ARHGAP15: variants seen among roughly 807,000 people sequenced by gnomAD.
ARHGAP15 encodes Rho GTPase activating protein 15.
ARHGAP15 carries 51 observed loss-of-function variants against 63.7 expected under a neutral mutation model. The ratio of observed to expected loss-of-function variants is 0.80; its 90% CI spans 0.64 to 1.01. The LOEUF is 1.01. Among genes scored for constraint, ARHGAP15 ranks in the 50% least tolerant of loss-of-function variants. The pLI, the probability that ARHGAP15 is intolerant of heterozygous loss-of-function variation, is 0.00. For synonymous variants in ARHGAP15, 191 were observed against 193.8 expected (o/e 0.99, Z 0.12); for missense variants, 560 against 564.6 (o/e 0.99, Z 0.08).
At chr2:143,358,222 C>T (rs1294055786) in intron 6 of ARHGAP15, among the ~76,000 whole-genome samples, 1 of 152,214 alleles carries the variant, frequency 6.6e-6, no homozygotes, top group Non-Finnish European at 1.5e-5. Flanking sequence ...TAATCCCTCA[C>T]TGGACACGGA....
Position 143,553,790 on chromosome 2 carries a change from AAAG to A in ARHGAP15, c.926-2614_926-2612del, listed in dbSNP as rs565201793. On this transcript the variant is annotated intron_variant, in intron 10 of 13. Coordinates refer to ENST00000295095, the MANE Select transcript of ARHGAP15 (RefSeq NM_018460.4). ...TTATATTGTAACACTCTAAGAGAAA[AAAG>A]AAGTTTTGGATACAGGGAATTTCAT... is the stretch of plus-strand genomic sequence containing the variant. Among the ~76,000 whole-genome samples the A allele has an allele frequency of 1.6e-3, 237 of 152,352 alleles. 1 individual carries two copies. Among genetic ancestry groups the A allele is most frequent in the African/African-American group, 5.5e-3 (230 of 41,598 alleles).
intron 11 of ARHGAP15, among the ~76,000 whole-genome samples, chr2:143,601,780 A>G (rs1334172664): frequency 6.6e-6 from 1 of 152,110 alleles, no homozygotes; most frequent in Non-Finnish European, 1.5e-5. Flanking sequence ...CCTTTTTATT[A>G]TGGCCACTCA....
chr2:143,319,854 C>G (rs574297171), intron 6 of ARHGAP15, among the ~76,000 whole-genome samples: 4 of 152,202 alleles, frequency 2.6e-5, no homozygotes, highest in Admixed American at 2.0e-4. Flanking sequence ...TGGAGCATTT[C>G]AAAGAAGAGG....
At chr2:143,408,632 T>C (rs1688315683) in intron 6 of ARHGAP15, among the ~76,000 whole-genome samples, 1 of 151,958 alleles carries the variant, frequency 6.6e-6, no homozygotes, top group Admixed American at 6.6e-5. Context: ...ACATTACTTA[T>C]ACTCTTGAAA....
At chr2:143,284,023 C>A (rs1228674048) in intron 6 of ARHGAP15, among the ~76,000 whole-genome samples, 1 of 152,114 alleles carries the variant, frequency 6.6e-6, no homozygotes, top group East Asian at 1.9e-4. Context: ...TGATTTGCCC[C>A]CTTTTCAAAA....
intron 3 of ARHGAP15, among the ~76,000 whole-genome samples, chr2:143,215,705 T>C (rs1574102649): frequency 6.6e-6 from 1 of 152,194 alleles, no homozygotes; most frequent in Non-Finnish European, 1.5e-5. Context: ...CAATTTGCAT[T>C]GTGCATTTAT....
chr2:143,555,579 A>T (rs1211174088), intron 10 of ARHGAP15, among the ~76,000 whole-genome samples: 1 of 152,144 alleles, frequency 6.6e-6, no homozygotes, highest in Admixed American at 6.6e-5. Flanking sequence ...AATTAACTAG[A>T]TTCTATAAAT....
chr2:143,171,877 A>T (rs542303411), intron 2 of ARHGAP15: 33 of 152,252 alleles, frequency 2.2e-4, no homozygotes, highest in African/African-American at 7.0e-4. Flanking sequence ...ATGTTTGTAT[A>T]ACAATAATTC....
intron 11 of ARHGAP15, chr2:143,608,897 A>G (rs1345391184): frequency 6.6e-6 from 1 of 152,220 alleles, no homozygotes; most frequent in East Asian, 1.9e-4. Context: ...TAACTTGGGA[A>G]GCATTGCTTG....
At chr2:143,548,526 A>G (rs1232859993) in intron 10 of ARHGAP15, among the ~76,000 whole-genome samples, 2 of 152,018 alleles carry the variant, frequency 1.3e-5, no homozygotes, top group Non-Finnish European at 2.9e-5. Flanking sequence ...AAAAAAAAAA[A>G]TCCTTCTCTT....
chr2:143,327,432 T>TA (rs1262185729), intron 6 of ARHGAP15, among the ~76,000 whole-genome samples: 1 of 152,202 alleles, frequency 6.6e-6, no homozygotes, highest in Non-Finnish European at 1.5e-5. Context: ...AGAGCCTGTA[T>TA]AGCCAAGACA....
chr2:143,522,469 G>A (rs1255481418), intron 10 of ARHGAP15, among the ~76,000 whole-genome samples: 1 of 152,048 alleles, frequency 6.6e-6, no homozygotes, highest in Non-Finnish European at 1.5e-5. Flanking sequence ...CTTTTTTGAA[G>A]CAATTTCTGT....
At chr2:143,153,846 C>CTCT (rs1558779672) in intron 1 of ARHGAP15, among the ~76,000 whole-genome samples, 786 of 57,172 alleles carry the variant, frequency 0.014, 48 homozygotes, top group South Asian at 0.092. Flanking sequence ...CTTCTTCTTC[C>CTCT]TCCTCCTCCT....
chr2:143,405,980 C>T (rs916718748), intron 6 of ARHGAP15, among the ~76,000 whole-genome samples: 2 of 151,944 alleles, frequency 1.3e-5, no homozygotes, highest in Non-Finnish European at 2.9e-5. Flanking sequence ...AGAACACTTA[C>T]ATCTTATCTA....
chr2:143,582,515 G>A (rs561634872), intron 11 of ARHGAP15, among the ~76,000 whole-genome samples: 1 of 152,100 alleles, frequency 6.6e-6, no homozygotes, highest in Non-Finnish European at 1.5e-5. Context: ...TAAGAGATTC[G>A]TTACAGAAGC....
chr2:143,680,718 C>T (rs764295854), intron 12 of ARHGAP15, among the ~76,000 whole-genome samples: 1 of 152,182 alleles, frequency 6.6e-6, no homozygotes, highest in Non-Finnish European at 1.5e-5. Context: ...TTTCAAAGCG[C>T]TAATTCCAAA....
intron 2 of ARHGAP15, among the ~76,000 whole-genome samples, chr2:143,201,933 G>T (rs1283938407): frequency 2.0e-5 from 3 of 152,024 alleles, no homozygotes; most frequent in Non-Finnish European, 4.4e-5. Context: ...AAGAGAATTG[G>T]GTTTGAGATA....
At chr2:143,416,415 A>G (rs1010569454) in intron 6 of ARHGAP15, among the ~76,000 whole-genome samples, 14 of 152,168 alleles carry the variant, frequency 9.2e-5, no homozygotes, top group Non-Finnish European at 1.8e-4. Flanking sequence ...AAGAGGCAAA[A>G]TTAGAGTTTC....
chr2:143,617,517 A>G (rs982279892), intron 11 of ARHGAP15, among the ~76,000 whole-genome samples: 1 of 152,102 alleles, frequency 6.6e-6, no homozygotes, highest in Admixed American at 6.6e-5. Flanking sequence ...CTCTGTGTGC[A>G]CCCTAATCTG....
Sources: gnomAD v4.1 joint callset for allele counts (sites outside exome capture counted in the v4.1 genomes callset) on GRCh38, gnomAD v4.1.1 for gene constraint, MANE v1.5 for transcripts, NCBI Gene and HGNC (gene_info 2026-07-23, HGNC 2026-07-21) for gene names.